DIP2B: variants seen among roughly 807,000 people sequenced by gnomAD.
DIP2B encodes the protein DIP2 acetate--CoA ligase B (putative).
DIP2B carries 76 observed loss-of-function variants against 198.0 expected under a neutral mutation model. That is an observed-to-expected ratio of 0.38 (90% CI 0.32 to 0.46). The LOEUF is 0.46. DIP2B is among the 20% of genes least tolerant of loss of function. DIP2B has a pLI of 0.99. For synonymous variants in DIP2B, 701 were observed against 739.1 expected, an observed-to-expected ratio of 0.95 and a Z score of 0.84; for missense variants, 1,559 against 1,978.4, an observed-to-expected ratio of 0.79 and a Z score of 4.02.
chr12:50,633,088 A>AT (rs1197752640), intron 2 of DIP2B, among the ~76,000 whole-genome samples: 17 of 151,850 alleles, frequency 1.1e-4, no homozygotes, highest in Admixed American at 6.6e-4. Context: ...CTTGTGAATG[A>AT]TTTTTTTTGT....
At position 50,695,885 on chromosome 12, in the gene DIP2B, G is replaced by T; in HGVS notation, c.1851G>T (p.Trp617Cys). The change falls in exon 16 of 38, where the codon TGG becomes TGT. Residue 617 changes from tryptophan to cysteine, a missense_variant. Physicochemically the swap from Trp to Cys is radical, Grantham distance 215. Transcript: ENST00000301180. ...TAGTAAAATGTCGGGACTTGCACTG[G>T]GCTATGATGGCACATCGGGACCAAA... ...VALVKCRDLH[W>C]AMMAHRDQRD... 2 of 1,614,012 alleles carry T rather than the reference G, an allele frequency of 1.2e-6. No individual in the cohort carries two copies. Among genetic ancestry groups the T allele is most frequent in the South Asian group, 2.2e-5 (2 of 91,082 alleles).
chr12:50,717,896 C>CTTTTTTTTTT lies in DIP2B; in HGVS notation c.2852-800_2852-791dup, dbSNP rs60627093. Among the ~76,000 whole-genome samples the CTTTTTTTTTT allele has an allele frequency of 1.1e-4, 10 of 87,062 alleles. 1 individual carries two copies. The highest frequency in any genetic ancestry group is 1.7e-4 in the Non-Finnish European group (8 of 48,262). 57.1% of individuals were successfully genotyped at this position (87,062 alleles called of 152,430 possible). On this transcript the variant is annotated intron_variant, in intron 23 of 37. Transcript: ENST00000301180. ...AGCCACCGTTCCTGGCCATTATTCA[C>CTTTTTTTTTT]TTTTTTTTTTTTTTTTTTTTTTGAG...
chr12:50,567,242 G>A (rs937552134), intron 1 of DIP2B, among the ~76,000 whole-genome samples: 1 of 152,146 alleles, frequency 6.6e-6, no homozygotes, highest in Admixed American at 6.5e-5. Flanking sequence ...CTCTCCCAGT[G>A]TTAACATCTT....
chr12:50,560,406 A>C (rs1958509007), intron 1 of DIP2B, among the ~76,000 whole-genome samples: 1 of 151,504 alleles, frequency 6.6e-6, no homozygotes, highest in Non-Finnish European at 1.5e-5. Flanking sequence ...CAAAAAAAAA[A>C]AAAGCAAAAA....
chr12:50,656,648 T>C (rs1938559364), intron 3 of DIP2B, among the ~76,000 whole-genome samples: 1 of 152,218 alleles, frequency 6.6e-6, no homozygotes, highest in African/African-American at 2.4e-5. Context: ...CTTGGCTCAC[T>C]GTAACCTCCG....
At chr12:50,717,325 TG>T (rs1262301722) in intron 23 of DIP2B, among the ~76,000 whole-genome samples, 2 of 147,224 alleles carry the variant, frequency 1.4e-5, no homozygotes, top group African/African-American at 5.0e-5. Context: ...TTGCCCAGGC[TG>T]GAGTGCGGTG....
At chr12:50,707,518 A>G (rs1266705749) in intron 21 of DIP2B, among the ~76,000 whole-genome samples, 2 of 152,230 alleles carry the variant, frequency 1.3e-5, no homozygotes, top group African/African-American at 4.8e-5. Context: ...CCATTCTTTC[A>G]TGCATTCATT....
chr12:50,635,068 A>G (rs1262990823), intron 2 of DIP2B, among the ~76,000 whole-genome samples: 1 of 152,324 alleles, frequency 6.6e-6, no homozygotes, highest in East Asian at 1.9e-4. Flanking sequence ...CATTTCTTTA[A>G]TTTTTAAATG....
chr12:50,638,916 T>G (rs2684902), intron 2 of DIP2B, among the ~76,000 whole-genome samples: 1 of 151,092 alleles, frequency 6.6e-6, no homozygotes, highest in African/African-American at 2.4e-5. Context: ...ATCTGAAATC[T>G]GAAAATTGGC....
chr12:50,680,575 G>A (rs866075018), intron 8 of DIP2B, 97 bp from the exon 9 acceptor site: 3 of 1,126,918 alleles, frequency 2.7e-6, no homozygotes, highest in Middle Eastern at 2.9e-4. Context: ...AGTGGCCATT[G>A]TCTCATTAAC....
intron 1 of DIP2B, among the ~76,000 whole-genome samples, chr12:50,590,185 G>C (rs1324905506): frequency 6.6e-6 from 1 of 151,700 alleles, no homozygotes; most frequent in African/African-American, 2.4e-5. Flanking sequence ...TTTATGTAGA[G>C]GTGGGATCCC....
chr12:50,525,913 A>T (rs1160385311), intron 1 of DIP2B, among the ~76,000 whole-genome samples: 1 of 152,174 alleles, frequency 6.6e-6, no homozygotes, highest in Non-Finnish European at 1.5e-5. Flanking sequence ...CCAAGGTTAA[A>T]TTAGCAACCC....
chr12:50,682,509 G>T (rs1939058496), intron 9 of DIP2B, among the ~76,000 whole-genome samples: 1 of 151,638 alleles, frequency 6.6e-6, no homozygotes, highest in Non-Finnish European at 1.5e-5. Context: ...GGCACCTGTA[G>T]TCCCAGCTAC....
At chr12:50,718,841 C>A in intron 24 of DIP2B, 23 bp downstream of exon 24, 1 of 1,612,632 alleles carries the variant, frequency 6.2e-7, no homozygotes, top group Non-Finnish European at 8.5e-7. Flanking sequence ...GAAGTGTTAC[C>A]TTCTTACAGT....
chr12:50,630,651 A>G (rs1366338613), intron 2 of DIP2B, among the ~76,000 whole-genome samples: 1 of 135,716 alleles, frequency 7.4e-6, no homozygotes, highest in Non-Finnish European at 1.6e-5. Flanking sequence ...ATCACCACGA[A>G]TTCTTTCTTT....
chr12:50,623,713 T>C (rs947703332), intron 1 of DIP2B, among the ~76,000 whole-genome samples: 2 of 152,204 alleles, frequency 1.3e-5, no homozygotes, highest in African/African-American at 4.8e-5. Flanking sequence ...ACGTAATGTA[T>C]TACATCTCCT....
chr12:50,678,288 T>C (rs1395600716), intron 7 of DIP2B, among the ~76,000 whole-genome samples: 2 of 152,056 alleles, frequency 1.3e-5, no homozygotes, highest in Admixed American at 1.3e-4. Flanking sequence ...TGACTCACAG[T>C]ATAATGCTTT....
intron 1 of DIP2B, among the ~76,000 whole-genome samples, chr12:50,511,585 G>A (rs1016741629): frequency 2.0e-5 from 3 of 151,644 alleles, no homozygotes; most frequent in Admixed American, 2.0e-4. Context: ...GAGCCACCAG[G>A]CCGGGCCAAT....
chr12:50,679,718 T>A (rs1565868552), intron 8 of DIP2B: 2 of 152,384 alleles, frequency 1.3e-5, no homozygotes, highest in Admixed American at 1.3e-4. Context: ...TTCATTCATA[T>A]AACCCTTAAA....
Sources: allele counts gnomAD v4.1 joint callset (sites outside exome capture counted in the v4.1 genomes callset), GRCh38; gene constraint gnomAD v4.1.1; transcripts MANE v1.5; gene names NCBI Gene and HGNC (gene_info 2026-07-23, HGNC 2026-07-21).